The following PALM variants were observed in gnomAD, a reference collection of about 807,000 sequenced individuals.
PALM encodes the protein paralemmin, also known as paralemmin-1.
PALM carries 18 observed loss-of-function variants against 30.7 expected under a neutral mutation model. That is an observed-to-expected ratio of 0.59 (90% CI 0.41 to 0.87). The LOEUF (loss-of-function observed/expected upper bound fraction) is 0.87. Among genes scored for constraint, PALM ranks in the 40% least tolerant of loss-of-function variants. The pLI, the probability that PALM is intolerant of heterozygous loss-of-function variation, is 0.00. For synonymous variants in PALM, 286 were observed against 242.8 expected (o/e 1.18, Z -1.66); for missense variants, 529 against 555.4 (o/e 0.95, Z 0.48).
intron 1 of PALM, among the ~76,000 whole-genome samples, chr19:720,161 A>G (rs1475847755): frequency 5.4e-5 from 8 of 149,070 alleles, no homozygotes; most frequent in African/African-American, 1.5e-4. Flanking sequence ...GCCCCCCCCA[A>G]TCCCCCCAAG....
chr19:709,916 G>GT lies in PALM; in HGVS notation c.5+765_5+766insT, dbSNP rs1208294038. ...CATGGCTGCGCCTGTGTGTGTGGGGGGGGGGTGGCCAGTGGAGGCACCGAG... is the reference window on the plus strand; with the variant it reads ...CATGGCTGCGCCTGTGTGTGTGGGGGTGGGGGTGGCCAGTGGAGGCACCGAG... On this transcript the variant is annotated intron_variant, in intron 1 of 8. Coordinates refer to ENST00000338448, the MANE Select transcript of PALM (RefSeq NM_002579.3). This position sits in a 1 kb window ranked among gnomAD's most constrained non-coding sequence, Gnocchi z 4.3. Among the ~76,000 whole-genome samples the GT allele has an allele frequency of 6.6e-6, 1 of 152,166 alleles. No homozygotes were observed. Among genetic ancestry groups the GT allele is most frequent in the Non-Finnish European group, 1.5e-5 (1 of 68,000 alleles).
At chr19:741,878 ACT>A (rs989802054) in intron 8 of PALM, among the ~76,000 whole-genome samples, 6 of 151,570 alleles carry the variant, frequency 4.0e-5, no homozygotes, top group Non-Finnish European at 7.4e-5. Context: ...AAAGAGTTTC[ACT>A]CTGTCGCCCG....
chr19:744,668 T>C (rs1364585201), intron 8 of PALM, among the ~76,000 whole-genome samples: 1 of 151,540 alleles, frequency 6.6e-6, no homozygotes, highest in African/African-American at 2.4e-5. Flanking sequence ...CCAAGGCGGG[T>C]GGCTCACCTG....
chr19:741,010 G>C (rs190883154), intron 8 of PALM, among the ~76,000 whole-genome samples: 1,726 of 151,524 alleles, frequency 0.011, 18 homozygotes, highest in Non-Finnish European at 0.018. Context: ...ATGGTGGTGC[G>C]TGCCTGTGGT....
chr19:721,588 AT>A (rs2032484319), intron 1 of PALM, among the ~76,000 whole-genome samples: 2 of 149,032 alleles, frequency 1.3e-5, no homozygotes, highest in African/African-American at 5.0e-5. Flanking sequence ...TTTTAAAAAA[AT>A]TTTTTGTTTG....
intron 1 of PALM, among the ~76,000 whole-genome samples, chr19:723,816 G>A (rs543510177): frequency 2.6e-5 from 4 of 151,994 alleles, no homozygotes; most frequent in Non-Finnish European, 5.9e-5. Flanking sequence ...GGCTGGTCTC[G>A]AACTTCCGAC....
intron 6 of PALM, chr19:734,556 T>G: frequency 4.0e-6 from 1 of 253,028 alleles, no homozygotes. Context: ...ATAAAAAAAT[T>G]AGCCGCCGGC....
intron 1 of PALM, among the ~76,000 whole-genome samples, chr19:721,802 TAGTC>T (rs1360644265): frequency 1.3e-5 from 2 of 152,008 alleles, no homozygotes; most frequent in South Asian, 2.1e-4. Flanking sequence ...TTCTCCATGT[TAGTC>T]AGGCTGGTCT....
rs1459809454 is a variant in PALM at position 708,951 on chromosome 19, G to C, written c.-196G>C. ...CCACCCCCCGCGCCCGCCGCCGCCCGGACAATAAACAGCAGCTTTGCGCGG... is the reference window on the plus strand; with the variant it reads ...CCACCCCCCGCGCCCGCCGCCGCCCCGACAATAAACAGCAGCTTTGCGCGG... On this transcript the variant is annotated 5_prime_UTR_variant, in exon 1 of 9. Coordinates refer to ENST00000338448, the MANE Select transcript of PALM (RefSeq NM_002579.3). The C allele has an allele frequency of 4.1e-5, 6 of 144,888 alleles. No individual in the cohort carries two copies. The highest frequency in any genetic ancestry group is 7.6e-5 in the Non-Finnish European group (5 of 65,762). The allele number at this position is 144,888 out of a possible 1,614,324, so 9.0% of individuals were successfully genotyped here.
At position 742,637 on chromosome 19, in the gene PALM, A is replaced by G. The variant is rs916299469; in HGVS notation, c.634+2154A>G. ...AAAAAAAAGAAAGAAAAGAGAATAA[A>G]TGGGGTCACACACTGCACGTGGCCT... On this transcript the variant is annotated intron_variant, in intron 8 of 8. Transcript: ENST00000338448. This position sits in a 1 kb window ranked among gnomAD's most constrained non-coding sequence, Gnocchi z 5.5. Among the ~76,000 whole-genome samples the G allele has an allele frequency of 6.6e-6, 1 of 151,732 alleles. No homozygotes were observed. The highest frequency in any genetic ancestry group is 1.5e-5 in the Non-Finnish European group (1 of 67,920).
At chr19:744,441 C>T (rs1487080478) in intron 8 of PALM, among the ~76,000 whole-genome samples, 2 of 151,668 alleles carry the variant, frequency 1.3e-5, no homozygotes, top group African/African-American at 2.4e-5. Flanking sequence ...TCATCTAACT[C>T]GTAGGACACA....
At chr19:712,002 A>G (rs2032095283) in intron 1 of PALM, among the ~76,000 whole-genome samples, 1 of 146,924 alleles carries the variant, frequency 6.8e-6, no homozygotes, top group African/African-American at 2.5e-5. Flanking sequence ...AGTGCTCTGT[A>G]TGTGTGTGAA....
chr19:723,382 C>G (rs1215920460), intron 1 of PALM, among the ~76,000 whole-genome samples: 1 of 152,038 alleles, frequency 6.6e-6, no homozygotes. Context: ...TCTCCCACCC[C>G]TCACCCCTGG....
At position 746,240 on chromosome 19, in the gene PALM, C is replaced by T. The variant is rs759659897; in HGVS notation, c.635-45C>T. 1.3e-6 allele frequency: 2 copies of T among 1,552,046 alleles called. No homozygotes were observed. Among genetic ancestry groups the T allele is most frequent in the Non-Finnish European group, 1.8e-6 (2 of 1,132,882 alleles). ...CTGAGCCAGGTCACTCTCTCTGTCC[C>T]TCCTGCCTGGAGCTGGGTCATTCTC... On this transcript the variant is annotated intron_variant, in intron 8 of 8. Coordinates refer to ENST00000338448, the MANE Select transcript of PALM (RefSeq NM_002579.3). This position sits in a 1 kb window ranked among gnomAD's most constrained non-coding sequence, Gnocchi z 7.1.
chr19:724,424 C>G (rs1229711096), intron 1 of PALM, among the ~76,000 whole-genome samples: 1 of 151,578 alleles, frequency 6.6e-6, no homozygotes, highest in Non-Finnish European at 1.5e-5. Context: ...GGGTTCAAGC[C>G]ATTCTCCTGT....
intron 1 of PALM, among the ~76,000 whole-genome samples, chr19:723,360 C>T (rs1036648884): frequency 1.3e-5 from 2 of 151,914 alleles, no homozygotes; most frequent in Non-Finnish European, 2.9e-5. Flanking sequence ...TGTTGGGGGT[C>T]GGGGGAACCT....
chr19:728,879 C>A (rs139954708), intron 4 of PALM, among the ~76,000 whole-genome samples: 1 of 152,052 alleles, frequency 6.6e-6, no homozygotes, highest in Admixed American at 6.6e-5. Flanking sequence ...TGGCGGGCAC[C>A]TGTAGTCCCA....
At chr19:733,092 A>C (rs574755976) in intron 5 of PALM, among the ~76,000 whole-genome samples, 1 of 151,942 alleles carries the variant, frequency 6.6e-6, no homozygotes, top group African/African-American at 2.4e-5. Context: ...ACGCCCAGCT[A>C]ATTTTGTATT....
chr19:711,646 C>T (rs752407763), intron 1 of PALM, among the ~76,000 whole-genome samples: 14 of 152,170 alleles, frequency 9.2e-5, no homozygotes, highest in East Asian at 3.8e-4. Flanking sequence ...TCCATGTTTC[C>T]GCTGTCTTGT....
Sources: gnomAD v4.1 joint callset for allele counts (sites outside exome capture counted in the v4.1 genomes callset) on GRCh38, gnomAD v4.1.1 for gene constraint, Gnocchi (gnomAD v3.1) non-coding constraint, MANE v1.5 for transcripts, NCBI Gene and HGNC (gene_info 2026-07-23, HGNC 2026-07-21) for gene names.